The following YWHAE variants were observed in gnomAD, a reference collection of about 807,000 sequenced individuals.
YWHAE encodes 14-3-3 protein epsilon.
In YWHAE, 4 loss-of-function variants were observed where a neutral mutation model predicts 30.1. That is an observed-to-expected ratio of 0.13 (90% CI 0.07 to 0.30). YWHAE has a LOEUF of 0.30. Ranked by LOEUF, YWHAE falls within the 10% of genes least tolerant of loss-of-function variation. YWHAE has a pLI of 1.00. For synonymous variants in YWHAE, 118 were observed against 111.8 expected, an observed-to-expected ratio of 1.06 and a Z score of -0.35; for missense variants, 121 against 315.9, an observed-to-expected ratio of 0.38 and a Z score of 4.68.
intron 1 of YWHAE, among the ~76,000 whole-genome samples, chr17:1,395,517 C>T (rs1472698426): frequency 2.6e-5 from 4 of 151,912 alleles, no homozygotes; most frequent in African/African-American, 9.7e-5. Context: ...GGACAGAGCC[C>T]AGTCGTAGAA....
chr17:1,381,612 G>A (rs1443507627), intron 1 of YWHAE, among the ~76,000 whole-genome samples: 3 of 151,780 alleles, frequency 2.0e-5, no homozygotes, highest in Non-Finnish European at 4.4e-5. Context: ...TAATCAAAAC[G>A]TAACATAAAT....
chr17:1,385,849 C>G (rs574414208), intron 1 of YWHAE, among the ~76,000 whole-genome samples: 1 of 152,062 alleles, frequency 6.6e-6, no homozygotes, highest in Admixed American at 6.6e-5. Flanking sequence ...GAGGCCAAGG[C>G]AGGAGGACTT....
At chr17:1,362,545 T>G (rs1045858277) in intron 2 of YWHAE, among the ~76,000 whole-genome samples, 1 of 152,226 alleles carries the variant, frequency 6.6e-6, no homozygotes, top group East Asian at 1.9e-4. Flanking sequence ...ATTCCTTTAG[T>G]GGCAGAGATC....
chr17:1,356,954 A>C (rs558997228), intron 4 of YWHAE, among the ~76,000 whole-genome samples: 3 of 151,518 alleles, frequency 2.0e-5, no homozygotes, highest in South Asian at 2.1e-4. Context: ...GTCCTCAAAC[A>C]AACCAAAAAA....
At chr17:1,356,171 AACACACACACACACACACACAC>A (rs71148473) in intron 4 of YWHAE, among the ~76,000 whole-genome samples, 1,600 of 143,102 alleles carry the variant, frequency 0.011, 20 homozygotes, top group South Asian at 0.047. Flanking sequence ...TCCGTCTAAA[AACACACACACACACACACACAC>A]ACACACACAC....
In YWHAE at chr17:1,374,942, T is replaced by C. The variant is rs573554505; in HGVS notation, c.65-9884A>G. Among the ~76,000 whole-genome samples the C allele has an allele frequency of 4.6e-5, 7 of 152,266 alleles. No individual in the cohort carries two copies. In the South Asian group the frequency reaches 1.5e-3, roughly 32 times the overall value. ...CTTCAAGAGACAGGGTCTCACTACG[T>C]TGCCCTGACTGTATGTCGTGCAGTG... On this transcript the variant is annotated intron_variant, in intron 1 of 5. Transcript: ENST00000264335.
chr17:1,376,386 AAAAG>A (rs368744450), intron 1 of YWHAE, among the ~76,000 whole-genome samples: 2,013 of 151,700 alleles, frequency 0.013, 19 homozygotes, highest in Non-Finnish European at 0.022. Flanking sequence ...GAAAGAAAGA[AAAAG>A]AAAGAGAGAG....
At chr17:1,398,019 G>A (rs1236564821) in intron 1 of YWHAE, among the ~76,000 whole-genome samples, 1 of 152,068 alleles carries the variant, frequency 6.6e-6, no homozygotes, top group Non-Finnish European at 1.5e-5. Flanking sequence ...TCACTAACCT[G>A]TACTTTATTT....
chr17:1,348,703 C>A (rs1362832105), intron 5 of YWHAE, among the ~76,000 whole-genome samples: 1 of 152,148 alleles, frequency 6.6e-6, no homozygotes, highest in African/African-American at 2.4e-5. Flanking sequence ...TACAGGCAGG[C>A]ACCATTGCAG....
chr17:1,381,733 T>G (rs933397494), intron 1 of YWHAE, among the ~76,000 whole-genome samples: 2 of 151,502 alleles, frequency 1.3e-5, no homozygotes, highest in Non-Finnish European at 2.9e-5. Flanking sequence ...CTAGGAGACA[T>G]GGCGAAACCC....
intron 2 of YWHAE, among the ~76,000 whole-genome samples, chr17:1,364,434 G>C (rs2072913345): frequency 6.6e-6 from 1 of 152,026 alleles, no homozygotes; most frequent in South Asian, 2.1e-4. Context: ...CACCATGTTA[G>C]CCAGGATGGT....
chr17:1,360,343 C>T (rs997423937), intron 4 of YWHAE, among the ~76,000 whole-genome samples: 1 of 152,134 alleles, frequency 6.6e-6, no homozygotes, highest in African/African-American at 2.4e-5. Context: ...AAACTGGGAA[C>T]AAGCTGAAGT....
chr17:1,349,599 A>G (rs1042040397), intron 5 of YWHAE, among the ~76,000 whole-genome samples: 22 of 150,040 alleles, frequency 1.5e-4, no homozygotes, highest in African/African-American at 5.1e-4. Flanking sequence ...GGAATTGAAC[A>G]CAAATGAATT....
At chr17:1,366,115 C>CT (rs2072937732) in intron 1 of YWHAE, among the ~76,000 whole-genome samples, 1 of 151,252 alleles carries the variant, frequency 6.6e-6, no homozygotes, top group Non-Finnish European at 1.5e-5. Context: ...ACTCTAGAGA[C>CT]TGAGACAGGA....
At chr17:1,368,583 T>G (rs113999263) in intron 1 of YWHAE, among the ~76,000 whole-genome samples, 2,222 of 145,654 alleles carry the variant, frequency 0.015, 52 homozygotes, top group African/African-American at 0.054. Flanking sequence ...AAAAAAAAAG[T>G]ATTACAATAT....
chr17:1,376,290 C>T (rs1227302054), intron 1 of YWHAE, among the ~76,000 whole-genome samples: 1 of 151,872 alleles, frequency 6.6e-6, no homozygotes, highest in African/African-American at 2.4e-5. Context: ...TGGTTGAGAC[C>T]CAGGCATGGT....
At chr17:1,365,527 C>CAA (rs1322774952) in intron 1 of YWHAE, among the ~76,000 whole-genome samples, 2 of 152,174 alleles carry the variant, frequency 1.3e-5, no homozygotes, top group Non-Finnish European at 2.9e-5. Flanking sequence ...TGGCCACCAA[C>CAA]AGACTTTGGA....
chr17:1,399,835 T>G, intron 1 of YWHAE: 3 of 423,152 alleles, frequency 7.1e-6, no homozygotes, highest in East Asian at 6.2e-5. Context: ...GGCCCGCGAG[T>G]TGTTTGCAGT....
intron 1 of YWHAE, among the ~76,000 whole-genome samples, chr17:1,376,351 G>C (rs1320736285): frequency 6.6e-6 from 1 of 151,218 alleles, no homozygotes; most frequent in African/African-American, 2.4e-5. Context: ...CAGACAGAAA[G>C]ACAAGAAAGA....
Sources: allele counts gnomAD v4.1 joint callset (sites outside exome capture counted in the v4.1 genomes callset), GRCh38; gene constraint gnomAD v4.1.1; transcripts MANE v1.5; gene names NCBI Gene and HGNC (gene_info 2026-07-23, HGNC 2026-07-21).